TNFAIP8: variants seen among roughly 807,000 people sequenced by gnomAD.
TNFAIP8 encodes the protein TNF alpha induced protein 8.
In TNFAIP8, 7 loss-of-function variants were observed where a neutral mutation model predicts 13.3. The ratio of observed to expected loss-of-function variants is 0.52; its 90% CI spans 0.30 to 0.99. The LOEUF (loss-of-function observed/expected upper bound fraction) is 0.99, where lower values mean the gene tolerates loss of function less well. Ranked by LOEUF, TNFAIP8 falls within the 50% of genes least tolerant of loss-of-function variation. TNFAIP8 has a pLI of 0.07. For synonymous variants in TNFAIP8, 94 were observed against 87.6 expected, an observed-to-expected ratio of 1.07 and a Z score of -0.41; for missense variants, 258 against 236.9, an observed-to-expected ratio of 1.09 and a Z score of -0.58.
intron 1 of TNFAIP8, among the ~76,000 whole-genome samples, chr5:119,281,550 A>G (rs1748630897): frequency 6.6e-6 from 1 of 152,216 alleles, no homozygotes; most frequent in South Asian, 2.1e-4. Context: ...ATCGTCTCCA[A>G]ATAATGACAT....
chr5:119,296,646 G>C (rs1298829592), intron 1 of TNFAIP8, among the ~76,000 whole-genome samples: 1 of 152,182 alleles, frequency 6.6e-6, no homozygotes, highest in Non-Finnish European at 1.5e-5. Context: ...CTCATAAAAC[G>C]AATTAGGGAG....
At chr5:119,304,938 A>G (rs1001818768) in intron 1 of TNFAIP8, among the ~76,000 whole-genome samples, 1 of 152,256 alleles carries the variant, frequency 6.6e-6, no homozygotes. Context: ...GAAAAATGAT[A>G]TATAATTAAA....
intron 1 of TNFAIP8, chr5:119,306,273 CTTGCT>C (rs1183470480): frequency 1.1e-4 from 17 of 151,536 alleles, no homozygotes; most frequent in Admixed American, 9.2e-4. Context: ...TTCTTTGATC[CTTGCT>C]TTGCTTTGCT....
intron 1 of TNFAIP8, among the ~76,000 whole-genome samples, chr5:119,302,857 G>T (rs1009920427): frequency 4.6e-5 from 7 of 152,160 alleles, no homozygotes; most frequent in African/African-American, 1.7e-4. Flanking sequence ...CCCTAATTTT[G>T]CATCATTGTT....
chr5:119,337,432 G>A (rs2112719453), intron 1 of TNFAIP8, among the ~76,000 whole-genome samples: 1 of 152,268 alleles, frequency 6.6e-6, no homozygotes, highest in African/African-American at 2.4e-5. Flanking sequence ...TAGAACCTGA[G>A]GGCATAGACC....
intron 1 of TNFAIP8, among the ~76,000 whole-genome samples, chr5:119,345,663 T>C (rs552740094): frequency 3.6e-4 from 55 of 152,304 alleles, no homozygotes; most frequent in African/African-American, 1.3e-3. Flanking sequence ...GTCAAATTTA[T>C]AGAGACAAAA....
intron 1 of TNFAIP8, among the ~76,000 whole-genome samples, chr5:119,314,092 G>A (rs901348830): frequency 8.5e-5 from 13 of 152,160 alleles, no homozygotes; most frequent in African/African-American, 3.1e-4. Context: ...CCAGCTACTT[G>A]GGTGGCTGAG....
chr5:119,333,338 A>G (rs949720456), intron 1 of TNFAIP8: 62 of 1,277,002 alleles, frequency 4.9e-5, no homozygotes, highest in Non-Finnish European at 5.8e-5. Flanking sequence ...TTCCACTACA[A>G]GTGACGAAAC....
chr5:119,329,899 TC>T (rs2112704038), intron 1 of TNFAIP8, among the ~76,000 whole-genome samples: 1 of 152,082 alleles, frequency 6.6e-6, no homozygotes, highest in Admixed American at 6.5e-5. Flanking sequence ...AGTCTGACCA[TC>T]CGCCGTCTCT....
At chr5:119,302,693 T>C (rs1240276935) in intron 1 of TNFAIP8, among the ~76,000 whole-genome samples, 1 of 152,236 alleles carries the variant, frequency 6.6e-6, no homozygotes, top group African/African-American at 2.4e-5. Context: ...GCTGGATCAG[T>C]GCGTTAATTT....
intron 1 of TNFAIP8, among the ~76,000 whole-genome samples, chr5:119,326,116 A>G (rs1021165588): frequency 3.9e-5 from 6 of 152,178 alleles, no homozygotes; most frequent in Non-Finnish European, 7.3e-5. Context: ...AATGCCTACC[A>G]TTCAGTAGGT....
At chr5:119,271,668 A>G (rs1748296399) in intron 1 of TNFAIP8, among the ~76,000 whole-genome samples, 1 of 152,190 alleles carries the variant, frequency 6.6e-6, no homozygotes, top group Non-Finnish European at 1.5e-5. Context: ...CAATGGCGAC[A>G]TGCACAGGGG....
chr5:119,288,906 G>A (rs1748898421), intron 1 of TNFAIP8, among the ~76,000 whole-genome samples: 1 of 152,252 alleles, frequency 6.6e-6, no homozygotes, highest in East Asian at 1.9e-4. Flanking sequence ...TTCTTGGAAT[G>A]AATCTTGCTT....
At chr5:119,391,985 A>C (rs1388130502) in intron 1 of TNFAIP8, among the ~76,000 whole-genome samples, 2 of 152,250 alleles carry the variant, frequency 1.3e-5, no homozygotes, top group Non-Finnish European at 1.5e-5. Context: ...AGTAAACTCT[A>C]AGCAACAGCT....
intron 1 of TNFAIP8, among the ~76,000 whole-genome samples, chr5:119,303,031 C>G (rs1458556628): frequency 1.3e-5 from 2 of 152,146 alleles, no homozygotes; most frequent in Non-Finnish European, 2.9e-5. Flanking sequence ...CTGACACACT[C>G]TTCAGCTCCT....
At chr5:119,342,042 A>C (rs1278210187) in intron 1 of TNFAIP8, among the ~76,000 whole-genome samples, 1 of 151,942 alleles carries the variant, frequency 6.6e-6, no homozygotes, top group Non-Finnish European at 1.5e-5. Flanking sequence ...TCTAGTCCTC[A>C]TCTCTGAAGG....
At chr5:119,329,483 G>A (rs1207936533) in intron 1 of TNFAIP8, among the ~76,000 whole-genome samples, 1 of 152,078 alleles carries the variant, frequency 6.6e-6, no homozygotes, top group Non-Finnish European at 1.5e-5. Flanking sequence ...GGCCTTGTGA[G>A]GTCTTTTGCC....
intron 1 of TNFAIP8, chr5:119,306,326 T>TTC (rs1749561785): frequency 6.9e-6 from 1 of 145,366 alleles, no homozygotes; most frequent in Non-Finnish European, 1.5e-5. Flanking sequence ...TTCTTTTTCT[T>TTC]TTTTTTTTTT....
At chr5:119,309,604 T>A (rs1433571369) in intron 1 of TNFAIP8, among the ~76,000 whole-genome samples, 1 of 151,898 alleles carries the variant, frequency 6.6e-6, no homozygotes, top group Non-Finnish European at 1.5e-5. Flanking sequence ...AAGAGCAGGG[T>A]GGGTAGTTCT....
Sources: gnomAD v4.1 joint callset for allele counts (sites outside exome capture counted in the v4.1 genomes callset) on GRCh38, gnomAD v4.1.1 for gene constraint, MANE v1.5 for transcripts, NCBI Gene and HGNC (gene_info 2026-07-23, HGNC 2026-07-21) for gene names.